Variants in ABI1 observed in about 807,000 individuals in gnomAD.
ABI1 encodes the protein abl interactor 1, also known as Abelson interactor 1.
Under a neutral mutation model 54.6 loss-of-function variants are expected in ABI1, and 14 were observed. The observed-to-expected ratio is 0.26, with a 90% CI of 0.17 to 0.40. ABI1 has a LOEUF of 0.40. Among genes scored for constraint, ABI1 ranks in the 10% least tolerant of loss-of-function variants. The pLI is 1.00. For missense variants in ABI1, 443 were observed against 598.3 expected (o/e 0.74, Z 2.71); for synonymous variants, 194 against 209.3 (o/e 0.93, Z 0.63).
intron 2 of ABI1, among the ~76,000 whole-genome samples, chr10:26,784,699 T>C (rs1842522439): frequency 1.3e-5 from 2 of 152,086 alleles, no homozygotes; most frequent in Non-Finnish European, 2.9e-5. Flanking sequence ...AAGGGAAAAA[T>C]CACTATAATG....
rs186988278 is a variant in ABI1 at position 26,774,898 on chromosome 10, T to C, written c.462+2167A>G. Among the ~76,000 whole-genome samples the C allele has an allele frequency of 6.6e-4, 100 of 152,070 alleles. 1 individual carries two copies. Among genetic ancestry groups the C allele is most frequent in the African/African-American group, 2.3e-3 (97 of 41,518 alleles). On this transcript the variant is annotated intron_variant, in intron 3 of 10. Transcript: ENST00000376140. ...ATCAAAGTCAAAAGCCAAACAGCAATATGAGTAAATATTTGCCAATATATG... is the reference window on the plus strand; with the variant it reads ...ATCAAAGTCAAAAGCCAAACAGCAACATGAGTAAATATTTGCCAATATATG...
chr10:26,793,060 CT>C (rs1413124251), intron 2 of ABI1, among the ~76,000 whole-genome samples: 1 of 152,168 alleles, frequency 6.6e-6, no homozygotes, highest in Admixed American at 6.5e-5. Flanking sequence ...ACTGCCACTG[CT>C]ACTACAGGAA....
chr10:26,807,381 G>A (rs2046943330), intron 2 of ABI1, among the ~76,000 whole-genome samples: 1 of 151,878 alleles, frequency 6.6e-6, no homozygotes, highest in Non-Finnish European at 1.5e-5. Flanking sequence ...AGGCTGAGGT[G>A]GGAGGAGGAG....
chr10:26,827,936 C>T (rs941420520), intron 1 of ABI1, among the ~76,000 whole-genome samples: 4 of 152,196 alleles, frequency 2.6e-5, no homozygotes, highest in Non-Finnish European at 5.9e-5. Context: ...TGGACTAGCC[C>T]TTTTAATGTC....
chr10:26,832,336 A>G (rs1405908357), intron 1 of ABI1, among the ~76,000 whole-genome samples: 4 of 152,174 alleles, frequency 2.6e-5, no homozygotes, highest in Non-Finnish European at 5.9e-5. Flanking sequence ...TAATCCCAGC[A>G]CTTTGGGAGG....
rs145955616 is a variant in ABI1, at chr10:26,838,862, G to A, written c.118-15557C>T. On this transcript the variant is annotated intron_variant, in intron 1 of 10. Transcript: ENST00000376140. ...CTGCTAGGAAGAATAGAACCGCTAC[G>A]TCTCCCAAAGACCACGGTCTGCCAC... Among the ~76,000 whole-genome samples, 269 of 152,272 alleles carry A rather than the reference G, an allele frequency of 1.8e-3. 2 individuals are homozygous for A. Among genetic ancestry groups the A allele is most frequent in the East Asian group, 7.7e-3 (40 of 5,188 alleles).
rs1432969491 is a variant in ABI1 at position 26,747,524 on chromosome 10, AG to A, written c.*1045del. 1 of 205,560 alleles carries A rather than the reference AG, an allele frequency of 4.9e-6. No individual in the cohort carries two copies. Among genetic ancestry groups the A allele is most frequent in the Non-Finnish European group, 9.9e-6 (1 of 100,510 alleles). 12.7% of individuals were successfully genotyped at this position (205,560 alleles called of 1,614,324 possible). ...TGTATCCACTTTTACAATATGTAAA[AG>A]GTACTTTTAACTTCCTTTCATTGAA... On this transcript the variant is annotated 3_prime_UTR_variant, in exon 11 of 11. Coordinates refer to ENST00000376140, the MANE Select transcript of ABI1 (RefSeq NM_001012750.3).
chr10:26,760,891 A>C lies in ABI1; in HGVS notation c.821-1653T>G, dbSNP rs1359797746. On this transcript the variant is annotated intron_variant, in intron 7 of 10. Transcript: ENST00000376140. Reference sequence around the variant, plus strand: ...GTGACGGAGAAAGACTCCATCTCAAAAAAAAAAAAAAAAAAAAAAAAAAAA... The same window carrying C: ...GTGACGGAGAAAGACTCCATCTCAACAAAAAAAAAAAAAAAAAAAAAAAAA... 4.6e-4 allele frequency among the ~76,000 whole-genome samples: 19 copies of C among 41,580 alleles called. No individual in the cohort carries two copies. In the African/African-American group the frequency reaches 4.7e-3, roughly 10 times the overall value. 27.3% of individuals were successfully genotyped at this position (41,580 alleles called of 152,430 possible).
chr10:26,756,248 A>C (rs1291222588), intron 8 of ABI1, among the ~76,000 whole-genome samples: 1 of 152,188 alleles, frequency 6.6e-6, no homozygotes, highest in Non-Finnish European at 1.5e-5. Context: ...ATCAATAAAA[A>C]TATTAATCAC....
intron 2 of ABI1, among the ~76,000 whole-genome samples, chr10:26,802,212 C>T (rs547876350): frequency 6.6e-6 from 1 of 152,112 alleles, no homozygotes; most frequent in African/African-American, 2.4e-5. Context: ...TTAAGGCAGG[C>T]GCCAGATGCC....
At chr10:26,771,025 A>G (rs1250887202) in intron 4 of ABI1, 50 bp downstream of exon 4, 4 of 1,597,038 alleles carry the variant, frequency 2.5e-6, no homozygotes, top group Non-Finnish European at 1.7e-6. Context: ...TGCAGCCTCT[A>G]TCAATACAGA....
intron 2 of ABI1, among the ~76,000 whole-genome samples, chr10:26,814,654 T>C (rs924890901): frequency 7.2e-5 from 11 of 152,172 alleles, no homozygotes; most frequent in Admixed American, 2.0e-4. Context: ...GAAGTGAATA[T>C]TGGTTACAGA....
At chr10:26,839,094 T>C (rs772635447) in intron 1 of ABI1, among the ~76,000 whole-genome samples, 2 of 152,124 alleles carry the variant, frequency 1.3e-5, no homozygotes, top group Non-Finnish European at 2.9e-5. Context: ...ACAATTGATG[T>C]TCTACACATA....
chr10:26,841,773 A>AT (rs1331537504), intron 1 of ABI1, among the ~76,000 whole-genome samples: 1 of 152,068 alleles, frequency 6.6e-6, no homozygotes, highest in Non-Finnish European at 1.5e-5. Flanking sequence ...CAGTATCTGC[A>AT]TTTTAAGGCT....
chr10:26,829,371 A>G (rs1049912388), intron 1 of ABI1, among the ~76,000 whole-genome samples: 7 of 152,198 alleles, frequency 4.6e-5, no homozygotes, highest in Non-Finnish European at 8.8e-5. Flanking sequence ...GATGCACCTA[A>G]AACAGGCTGT....
At chr10:26,793,222 T>C (rs1057164774) in intron 2 of ABI1, among the ~76,000 whole-genome samples, 9 of 152,212 alleles carry the variant, frequency 5.9e-5, no homozygotes, top group African/African-American at 2.2e-4. Context: ...AAGAGAGTCC[T>C]GAGACAAGCT....
At chr10:26,773,193 C>G (rs2132809219) in intron 3 of ABI1, among the ~76,000 whole-genome samples, 1 of 111,844 alleles carries the variant, frequency 8.9e-6, no homozygotes, top group South Asian at 3.3e-4. Context: ...ATGTCATAGG[C>G]ACTAAATGTC....
chr10:26,839,449 T>A (rs2049324455), intron 1 of ABI1, among the ~76,000 whole-genome samples: 1 of 151,858 alleles, frequency 6.6e-6, no homozygotes, highest in East Asian at 1.9e-4. Context: ...TGAGCCGAGA[T>A]CATGCCACTG....
intron 2 of ABI1, among the ~76,000 whole-genome samples, chr10:26,804,351 C>A (rs1240351697): frequency 6.6e-6 from 1 of 151,504 alleles, no homozygotes; most frequent in Non-Finnish European, 1.5e-5. Context: ...CCACTGCACT[C>A]CAGCCTGGGT....
Sources: gnomAD v4.1 joint callset for allele counts (sites outside exome capture counted in the v4.1 genomes callset) on GRCh38, gnomAD v4.1.1 for gene constraint, MANE v1.5 for transcripts, NCBI Gene and HGNC (gene_info 2026-07-23, HGNC 2026-07-21) for gene names.